Variants in CMTM6 observed in about 807,000 individuals in gnomAD.
The protein encoded by CMTM6 is CKLF-like MARVEL transmembrane domain-containing protein 6.
Under a neutral mutation model 13.6 loss-of-function variants are expected in CMTM6, and 5 were observed. The ratio of observed to expected loss-of-function variants is 0.37; its 90% confidence interval spans 0.19 to 0.77. The LOEUF is 0.77. Ranked by LOEUF, CMTM6 falls within the 30% of genes least tolerant of loss-of-function variation. The pLI is 0.50. For synonymous variants in CMTM6, 99 were observed against 84.5 expected, an observed-to-expected ratio of 1.17 and a Z score of -0.94; for missense variants, 196 against 218.6, an observed-to-expected ratio of 0.90 and a Z score of 0.65.
intron 1 of CMTM6, among the ~76,000 whole-genome samples, chr3:32,495,289 G>A (rs1697281136): frequency 6.6e-6 from 1 of 152,132 alleles, no homozygotes; most frequent in African/African-American, 2.4e-5. Flanking sequence ...TCAGACAGGT[G>A]TTAGGTAAGG....
chr3:32,500,590 T>C lies in CMTM6; in HGVS notation c.138+2018A>G, dbSNP rs3773774. On this transcript the variant is annotated intron_variant, in intron 1 of 3. Transcript: ENST00000205636. ...TTTTTTCTCCATTTCTTCTTATGAA[T>C]GATGGAGAACTAATAATAGTCTAAC... Among the ~76,000 whole-genome samples, 115 of 152,368 alleles carry C rather than the reference T, an allele frequency of 7.5e-4. No homozygotes were observed. In the East Asian group the frequency reaches 0.021, roughly 28 times the overall value.
chr3:32,502,466 G>A (rs1108258), intron 1 of CMTM6, 142 bp downstream of exon 1: 102,899 of 1,078,966 alleles, frequency 0.095, 5,283 homozygotes, highest in Middle Eastern at 0.15. Context: ...CCCTTCCCCA[G>A]GCTGAGAGGG....
chr3:32,494,564 G>C (rs1697273906), intron 1 of CMTM6, among the ~76,000 whole-genome samples: 1 of 152,068 alleles, frequency 6.6e-6, no homozygotes. Flanking sequence ...ACAAAAACCG[G>C]TACGTGAATG....
intron 1 of CMTM6, among the ~76,000 whole-genome samples, chr3:32,500,744 G>C (rs1006854568): frequency 1.3e-5 from 2 of 152,112 alleles, no homozygotes; most frequent in Non-Finnish European, 2.9e-5. Flanking sequence ...CTATTCCAAA[G>C]ATACGAAACT....
intron 3 of CMTM6, chr3:32,487,667 T>G (rs1426462279): frequency 2.3e-5 from 6 of 259,582 alleles, no homozygotes; most frequent in Non-Finnish European, 7.3e-6. Flanking sequence ...TATAAAATAA[T>G]AAAGTCAATT....
intron 2 of CMTM6, among the ~76,000 whole-genome samples, chr3:32,489,207 T>G (rs1222612646): frequency 6.8e-6 from 1 of 147,052 alleles, no homozygotes; most frequent in African/African-American, 2.5e-5. Context: ...GAGGCAGAGG[T>G]TGCAGTGAGC....
chr3:32,496,198 C>CA (rs11426299), intron 1 of CMTM6, among the ~76,000 whole-genome samples: 18,854 of 77,786 alleles, frequency 0.24, 1,973 homozygotes, highest in Middle Eastern at 0.35. Context: ...GAGACTATCT[C>CA]AAAAAAAAAA....
At chr3:32,489,293 ATAAAAC>A (rs1393161699) in intron 2 of CMTM6, among the ~76,000 whole-genome samples, 5 of 150,994 alleles carry the variant, frequency 3.3e-5, no homozygotes, top group African/African-American at 4.9e-5. Context: ...AAAAAAATCA[ATAAAAC>A]TATTTAACAC....
intron 1 of CMTM6, among the ~76,000 whole-genome samples, chr3:32,493,365 CT>C (rs1248133623): frequency 6.6e-6 from 1 of 152,210 alleles, no homozygotes; most frequent in Non-Finnish European, 1.5e-5. Context: ...CTTCCAACTG[CT>C]GTATATGTGG....
rs1697323889 is a variant in CMTM6 at position 32,499,094 on chromosome 3, A to C, written c.138+3514T>G. 2.0e-5 allele frequency among the ~76,000 whole-genome samples: 3 copies of C among 152,248 alleles called. No homozygotes were observed. The South Asian group carries it at 6.2e-4, about 31-fold the overall frequency. On this transcript the variant is annotated intron_variant, in intron 1 of 3. Coordinates refer to ENST00000205636, the MANE Select transcript of CMTM6 (RefSeq NM_017801.3). The stretch of plus-strand genomic sequence containing the variant: ...AACTTTGTAGTTATAAGTAAAGTTC[A>C]AATTTAAAAATCCATTGGTCTGAAG...
chr3:32,500,532 T>C (rs1697335338), intron 1 of CMTM6, among the ~76,000 whole-genome samples: 2 of 152,212 alleles, frequency 1.3e-5, no homozygotes, highest in African/African-American at 4.8e-5. Context: ...CATAAACAAA[T>C]AAATGGATTT....
At chr3:32,484,893 C>T (rs1356736665) in intron 3 of CMTM6, among the ~76,000 whole-genome samples, 1 of 152,110 alleles carries the variant, frequency 6.6e-6, no homozygotes, top group Non-Finnish European at 1.5e-5. Context: ...GTTGCAGTCT[C>T]CTGACCTCTC....
At chr3:32,493,656 A>C (rs1480344816) in intron 1 of CMTM6, among the ~76,000 whole-genome samples, 1 of 152,216 alleles carries the variant, frequency 6.6e-6, no homozygotes, top group African/African-American at 2.4e-5. Context: ...GAGGAATCTG[A>C]AGATTTACGG....
At chr3:32,494,395 A>G (rs1697272654) in intron 1 of CMTM6, among the ~76,000 whole-genome samples, 1 of 152,256 alleles carries the variant, frequency 6.6e-6, no homozygotes, top group Non-Finnish European at 1.5e-5. Context: ...GATACATTTC[A>G]TAGTAATAGT....
rs1697219952 is a variant in CMTM6 at position 32,487,993 on chromosome 3, G to A, written c.359C>T (p.Ala120Val). 6.2e-7 allele frequency: 1 copy of A among 1,613,720 alleles called. No individual in the cohort carries two copies. The highest frequency in any genetic ancestry group is 8.5e-7 in the Non-Finnish European group (1 of 1,179,798). The change falls in exon 3 of 4, where the codon GCA (alanine) becomes GTA (valine). Residue 120 changes from alanine (A) to valine (V), a missense_variant. Transcript: ENST00000205636. ...ATGTGTGGAAACAAAAATGATGGAT[G>A]CCAACAAAAACACACATCCTGTTCC... ...TLGTGCVFLL[A>V]SIIFVSTHDR...
At chr3:32,488,149 C>A in intron 2 of CMTM6, 113 bp from the exon 3 acceptor site, 1 of 724,750 alleles carries the variant, frequency 1.4e-6, no homozygotes, top group Non-Finnish European at 2.3e-6. Flanking sequence ...TTTCTTGATA[C>A]AACCCAAACT....
chr3:32,493,047 TAA>T (rs890819524), intron 1 of CMTM6, among the ~76,000 whole-genome samples: 7 of 152,264 alleles, frequency 4.6e-5, no homozygotes, highest in African/African-American at 1.4e-4. Context: ...AATCTTGTAG[TAA>T]GTTATCTTTC....
chr3:32,484,373 T>C (rs1425073885), intron 3 of CMTM6, among the ~76,000 whole-genome samples: 2 of 152,154 alleles, frequency 1.3e-5, no homozygotes, highest in Non-Finnish European at 2.9e-5. Context: ...AGGGCTAATA[T>C]ATGAAAGTAG....
intron 2 of CMTM6, among the ~76,000 whole-genome samples, chr3:32,490,861 A>T (rs1054524878): frequency 6.6e-6 from 1 of 151,496 alleles, no homozygotes; most frequent in East Asian, 1.9e-4. Flanking sequence ...GAATATATAC[A>T]TTTTTTTTTA....
Sources: allele counts gnomAD v4.1 joint callset (sites outside exome capture counted in the v4.1 genomes callset), GRCh38; gene constraint gnomAD v4.1.1; transcripts MANE v1.5; gene names NCBI Gene and HGNC (gene_info 2026-07-23, HGNC 2026-07-21).